The following SLC45A2 variants were observed in gnomAD, a reference collection of about 807,000 sequenced individuals.
The protein encoded by SLC45A2 is solute carrier family 45 member 2, also known as membrane-associated transporter protein.
In SLC45A2, 36 loss-of-function variants were observed where a neutral mutation model predicts 45.5. That is an observed-to-expected ratio of 0.79 (90% CI 0.61 to 1.04). The LOEUF (loss-of-function observed/expected upper bound fraction) is 1.04, where lower values mean the gene tolerates loss of function less well. SLC45A2 is among the 50% of genes least tolerant of loss of function. The probability of loss-of-function intolerance (pLI) is 0.00; values close to 1 mark genes in which losing one functional copy is unlikely to be tolerated. For synonymous variants in SLC45A2, 306 were observed against 269.3 expected, an observed-to-expected ratio of 1.14 and a Z score of -1.33; for missense variants, 719 against 671.0, an observed-to-expected ratio of 1.07 and a Z score of -0.79.
chr5:33,949,964 G>A (rs1027205973), intron 5 of SLC45A2, among the ~76,000 whole-genome samples: 6 of 152,014 alleles, frequency 3.9e-5, no homozygotes, highest in Non-Finnish European at 8.8e-5. Flanking sequence ...GAGACAGGAG[G>A]ATCACTTGAG....
intron 2 of SLC45A2, among the ~76,000 whole-genome samples, chr5:33,977,863 T>A (rs1752974310): frequency 6.6e-6 from 1 of 152,174 alleles, no homozygotes. Context: ...GAAAATATTA[T>A]TTACCCATGA....
intron 2 of SLC45A2, among the ~76,000 whole-genome samples, chr5:33,968,328 A>G (rs1752667000): frequency 6.6e-6 from 1 of 152,112 alleles, no homozygotes; most frequent in Admixed American, 6.5e-5. Context: ...CTACATCCAG[A>G]CTGTATTTAC....
At chr5:33,984,140 T>A in intron 1 of SLC45A2, 59 bp downstream of exon 1, 1 of 1,606,980 alleles carries the variant, frequency 6.2e-7, no homozygotes, top group Non-Finnish European at 8.5e-7. Flanking sequence ...ATCCTCCTCC[T>A]GCAGAGGTAC....
In SLC45A2 at chr5:33,963,693, G is replaced by A. The variant is rs1264884144; in HGVS notation, c.886C>T (p.Gln296Ter). Residue 296 changes from glutamine to a stop codon, truncating the protein, a stop_gained and splice_region_variant, in exon 3 of 7, where the codon CAG becomes TAG. Coordinates refer to ENST00000296589, the MANE Select transcript of SLC45A2 (RefSeq NM_016180.5). LOFTEE classifies it high-confidence loss of function. ...AAGAAAAAATGTTGCATCTTTACCTGTTCAGCATGATTTTTGTTTTTTGCT... is the reference window on the plus strand; with the variant it reads ...AAGAAAAAATGTTGCATCTTTACCTATTCAGCATGATTTTTGTTTTTTGCT... Reference protein sequence around the residue: ...QGAKNKNHAEQTRRAMTLKSL... With the variant: ...QGAKNKNHAE The A allele has an allele frequency of 1.9e-6, 3 of 1,613,722 alleles. No homozygotes were observed. Among genetic ancestry groups the A allele is most frequent in the Non-Finnish European group, 8.5e-7 (1 of 1,179,908 alleles).
At chr5:33,945,802 A>G (rs1751904422) in intron 6 of SLC45A2, 2 of 359,928 alleles carry the variant, frequency 5.6e-6, no homozygotes, top group Non-Finnish European at 7.7e-6. Context: ...TTAGGCAAAA[A>G]AAAAGCATTA....
At chr5:33,951,304 A>C (rs1446731671) in intron 5 of SLC45A2, 12 of 1,027,326 alleles carry the variant, frequency 1.2e-5, no homozygotes, top group Non-Finnish European at 1.6e-5. Flanking sequence ...TTCATTTTCC[A>C]GAGAAACTTG....
intron 6 of SLC45A2, chr5:33,946,359 T>C: frequency 1.0e-6 from 1 of 985,504 alleles, no homozygotes; most frequent in Non-Finnish European, 1.2e-6. Context: ...CTGATGGTTA[T>C]ATGTTCAGTG....
intron 3 of SLC45A2, among the ~76,000 whole-genome samples, chr5:33,957,378 T>A (rs1024756502): frequency 2.0e-5 from 3 of 152,206 alleles, no homozygotes; most frequent in African/African-American, 7.2e-5. Flanking sequence ...TATATAATCA[T>A]GCTTTTTTCT....
At chr5:33,963,670 G>A (rs772200938) in intron 3 of SLC45A2, 21 bp downstream of exon 3, 9 of 1,611,488 alleles carry the variant, frequency 5.6e-6, no homozygotes, top group Non-Finnish European at 7.6e-6. Flanking sequence ...CCCTTGTAAA[G>A]AAAAAATGTT....
At chr5:33,960,730 A>G (rs1461607800) in intron 3 of SLC45A2, among the ~76,000 whole-genome samples, 2 of 152,172 alleles carry the variant, frequency 1.3e-5, no homozygotes, top group Admixed American at 1.3e-4. Context: ...ATGTAACCAA[A>G]CACCACCTGT....
intron 5 of SLC45A2, among the ~76,000 whole-genome samples, chr5:33,951,088 C>T (rs113515786): frequency 6.6e-6 from 1 of 152,166 alleles, no homozygotes; most frequent in African/African-American, 2.4e-5. Flanking sequence ...TGGTGTGGTG[C>T]TCCTATAACC....
rs756576808 is a variant in SLC45A2 at position 33,944,863 on chromosome 5, C to T, written c.1378G>A (p.Ala460Thr). Reference protein sequence around the residue: ...HREEEKERQQAPGGDPDNSVR... With the variant: ...HREEEKERQQTPGGDPDNSVR... Reference sequence around the variant, plus strand: ...CTGTTGTCTGGGTCCCCTCCTGGGGCCTGCTGCCTCTGCAAAGGAAGCACA... The same window carrying T: ...CTGTTGTCTGGGTCCCCTCCTGGGGTCTGCTGCCTCTGCAAAGGAAGCACA... The change falls in exon 7 of 7, where the codon GCC (alanine) becomes ACC (threonine). Residue 460 changes from alanine to threonine, a missense_variant. By Grantham distance (58) the Ala-to-Thr change is moderately conservative (BLOSUM62 0). Transcript: ENST00000296589. 1.9e-5 allele frequency: 31 copies of T among 1,611,890 alleles called. No homozygotes were observed. The Admixed American group carries it at 3.7e-4, about 19-fold the overall frequency.
At chr5:33,972,441 A>C in intron 2 of SLC45A2, 1 of 315,970 alleles carries the variant, frequency 3.2e-6, no homozygotes, top group East Asian at 8.4e-5. Flanking sequence ...GGTGAAATTA[A>C]TTATGGAGTA....
chr5:33,945,487 C>T (rs1337859426), intron 6 of SLC45A2, among the ~76,000 whole-genome samples: 3 of 151,940 alleles, frequency 2.0e-5, no homozygotes, highest in East Asian at 1.9e-4. Context: ...ATATTTCTTC[C>T]GAACTGGCTG....
intron 2 of SLC45A2, among the ~76,000 whole-genome samples, chr5:33,973,674 T>C (rs1276397034): frequency 2.0e-5 from 3 of 152,234 alleles, no homozygotes; most frequent in Admixed American, 6.5e-5. Flanking sequence ...GAAGTTGATA[T>C]CTGACAAGTT....
chr5:33,944,890 AACC>A lies in SLC45A2; in HGVS notation c.1369-21_1369-19del. On this transcript the variant is annotated intron_variant, in intron 6 of 6. Coordinates refer to ENST00000296589, the MANE Select transcript of SLC45A2 (RefSeq NM_016180.5). ...TGCTGCCTCTGCAAAGGAAGCACAG[AACC>A]ACCATTTGACCTACAAGGAACTGTC... 1 of 1,601,992 alleles carries A rather than the reference AACC, an allele frequency of 6.2e-7. No individual in the cohort carries two copies.
rs1333211668 is a variant in SLC45A2, at chr5:33,947,152, T to C, written c.1368+11A>G. Reference sequence around the variant, plus strand: ...GATGTTACCCAAGGCAGAGGTTCAATGACAGCACACCTCCTTTTCTTCCTC... The same window carrying C: ...GATGTTACCCAAGGCAGAGGTTCAACGACAGCACACCTCCTTTTCTTCCTC... On this transcript the variant is annotated intron_variant, in intron 6 of 6. Transcript: ENST00000296589. The C allele has an allele frequency of 6.2e-7, 1 of 1,614,242 alleles. No homozygotes were observed. Among genetic ancestry groups the C allele is most frequent in the Non-Finnish European group, 8.5e-7 (1 of 1,180,046 alleles).
At chr5:33,961,774 G>T (rs916532719) in intron 3 of SLC45A2, among the ~76,000 whole-genome samples, 2 of 152,160 alleles carry the variant, frequency 1.3e-5, no homozygotes, top group Non-Finnish European at 2.9e-5. Context: ...AAGGAACTCT[G>T]TTCCTGTACC....
In SLC45A2 at chr5:33,963,768, T is replaced by C. The variant is rs1242761351; in HGVS notation, c.811A>G (p.Ile271Val). 1.2e-6 allele frequency: 2 copies of C among 1,614,212 alleles called. No homozygotes were observed. Among genetic ancestry groups the C allele is most frequent in the Non-Finnish European group, 8.5e-7 (1 of 1,180,028 alleles). ...ACGTAACCATTTTTAACTTTCTCGA[T>C]AGAACCATACTCGTACATTCCATCT... The part of the protein sequence containing the change: ...SSDGMYEYGS[I>V]EKVKNGYVNP... The change falls in exon 3 of 7, where the codon ATC (isoleucine) becomes GTC (valine). Residue 271 changes from isoleucine (I) to valine (V), a missense_variant. Physicochemically the swap from Ile to Val is conservative, Grantham distance 29. Coordinates refer to ENST00000296589, the MANE Select transcript of SLC45A2 (RefSeq NM_016180.5).
Sources: gnomAD v4.1 joint callset for allele counts (sites outside exome capture counted in the v4.1 genomes callset) on GRCh38, gnomAD v4.1.1 for gene constraint, MANE v1.5 for transcripts, NCBI Gene and HGNC (gene_info 2026-07-23, HGNC 2026-07-21) for gene names.